NLGN1: variants seen among roughly 807,000 people sequenced by gnomAD.
NLGN1 encodes neuroligin-1.
NLGN1 carries 12 observed loss-of-function variants against 65.5 expected under a neutral mutation model. That is an observed-to-expected ratio of 0.18 (90% CI 0.12 to 0.30). The LOEUF (loss-of-function observed/expected upper bound fraction) is 0.30, where lower values mean the gene tolerates loss of function less well. Among genes scored for constraint, NLGN1 ranks in the 10% least tolerant of loss-of-function variants. The pLI, the probability that NLGN1 is intolerant of heterozygous loss-of-function variation, is 1.00. For missense variants in NLGN1, 750 were observed against 1,007.1 expected, an observed-to-expected ratio of 0.74 and a Z score of 3.46; for synonymous variants, 350 against 359.5, an observed-to-expected ratio of 0.97 and a Z score of 0.30.
intron 2 of NLGN1, among the ~76,000 whole-genome samples, chr3:173,601,694 TAATA>T (rs1433578362): frequency 2.0e-5 from 3 of 152,014 alleles, no homozygotes; most frequent in Admixed American, 1.3e-4. Flanking sequence ...TTTTGGTTAC[TAATA>T]AATAACCAAA....
the NLGN1 span, among the ~76,000 whole-genome samples, chr3:174,293,158 T>C: frequency 1.3e-5 from 2 of 151,428 alleles, no homozygotes; most frequent in Admixed American, 6.6e-5. Flanking sequence ...TGGGGTAACC[T>C]AAAATAGTGT....
chr3:173,742,115 C>A (rs1774742781), intron 3 of NLGN1, among the ~76,000 whole-genome samples: 1 of 152,076 alleles, frequency 6.6e-6, no homozygotes, highest in African/African-American at 2.4e-5. Flanking sequence ...TTCCAGGAAT[C>A]CATTCTTCTC....
intron 4 of NLGN1, among the ~76,000 whole-genome samples, chr3:173,971,107 G>A (rs1287781076): frequency 2.0e-5 from 3 of 152,012 alleles, no homozygotes; most frequent in Admixed American, 6.6e-5. Flanking sequence ...GAAAAACTGC[G>A]TGCATTCACT....
At chr3:174,115,014 T>C (rs1025454060) in intron 4 of NLGN1, among the ~76,000 whole-genome samples, 14 of 152,194 alleles carry the variant, frequency 9.2e-5, no homozygotes, top group Admixed American at 8.5e-4. Flanking sequence ...CAAACTTTGA[T>C]AGACATATCT....
In NLGN1 at chr3:173,494,613, A is replaced by G. The variant is rs551029001; in HGVS notation, c.-321+59535A>G. 3.8e-4 allele frequency among the ~76,000 whole-genome samples: 58 copies of G among 151,864 alleles called. 2 individuals carry two copies. The highest frequency in any genetic ancestry group is 1.4e-3 in the African/African-American group (56 of 41,258). ...GTGACATGCCTAAGAAACTTTGACT[A>G]ACATCAAGTTATGCATACATTTTAT... On this transcript the variant is annotated intron_variant, in intron 2 of 6. Transcript: ENST00000457714.
chr3:173,879,250 A>G (rs1214779873), intron 4 of NLGN1, among the ~76,000 whole-genome samples: 1 of 151,632 alleles, frequency 6.6e-6, no homozygotes, highest in Non-Finnish European at 1.5e-5. Flanking sequence ...AAAAAAAGAA[A>G]GAAAGAAAAA....
chr3:173,800,525 TA>T (rs1553853519), intron 3 of NLGN1, among the ~76,000 whole-genome samples: 1 of 151,746 alleles, frequency 6.6e-6, no homozygotes, highest in Non-Finnish European at 1.5e-5. Context: ...TTAATTTTTT[TA>T]AAAAATTAAT....
At chr3:173,976,749 T>C (rs1057081118) in intron 4 of NLGN1, among the ~76,000 whole-genome samples, 28 of 152,056 alleles carry the variant, frequency 1.8e-4, no homozygotes, top group African/African-American at 6.8e-4. Context: ...CTATGACCTT[T>C]CATGTTTCTT....
At chr3:173,747,059 T>TACACACACACACACACAC (rs3033827) in intron 3 of NLGN1, among the ~76,000 whole-genome samples, 1 of 130,332 alleles carries the variant, frequency 7.7e-6, no homozygotes, top group African/African-American at 2.8e-5. Flanking sequence ...AAATTATATA[T>TACACACACACACACACAC]ACACACACAC....
chr3:173,566,603 G>C (rs978886962), intron 2 of NLGN1, among the ~76,000 whole-genome samples: 11 of 151,966 alleles, frequency 7.2e-5, no homozygotes, highest in Non-Finnish European at 1.5e-4. Context: ...TCTTTCTCAA[G>C]TACTTTTCCA....
chr3:173,666,261 C>A (rs190108909), intron 3 of NLGN1, among the ~76,000 whole-genome samples: 96 of 152,104 alleles, frequency 6.3e-4, no homozygotes, highest in Non-Finnish European at 1.3e-3. Flanking sequence ...CCACCTCTGA[C>A]CATTGATGTA....
At chr3:173,485,560 TCCATTTATGAACA>T in intron 2 of NLGN1, among the ~76,000 whole-genome samples, 1 of 152,302 alleles carries the variant, frequency 6.6e-6, no homozygotes, top group Admixed American at 6.5e-5. Flanking sequence ...ATTGATTCTT[TCCATTTATGAACA>T]TGGTTTCTCT....
chr3:173,615,048 T>G (rs559878715), intron 3 of NLGN1, among the ~76,000 whole-genome samples: 2 of 152,258 alleles, frequency 1.3e-5, no homozygotes, highest in African/African-American at 4.8e-5. Context: ...TCTTCTGTAT[T>G]TATTTTATGA....
intron 2 of NLGN1, among the ~76,000 whole-genome samples, chr3:173,549,346 TA>T (rs1194467368): frequency 6.6e-6 from 1 of 152,076 alleles, no homozygotes; most frequent in African/African-American, 2.4e-5. Context: ...ATTTCTTTTT[TA>T]TTCTTTTGGT....
Position 173,874,468 on chromosome 3 carries a change from A to T in NLGN1, c.646+66636A>T, listed in dbSNP as rs561404182. Among the ~76,000 whole-genome samples the T allele has an allele frequency of 2.0e-5, 3 of 152,360 alleles. No individual in the cohort carries two copies. The South Asian group carries it at 6.2e-4, about 32-fold the overall frequency. The stretch of plus-strand genomic sequence containing the variant: ...ATATGGGCATCCTTATTAGCCAGTG[A>T]ATAATAACATCTAGCAAGGGAATAT... On this transcript the variant is annotated intron_variant, in intron 4 of 6. Coordinates refer to ENST00000457714, the Ensembl canonical transcript of NLGN1.
chr3:173,444,591 T>C (rs892093356), intron 2 of NLGN1, among the ~76,000 whole-genome samples: 2 of 152,194 alleles, frequency 1.3e-5, no homozygotes, highest in African/African-American at 4.8e-5. Context: ...CTTTATTTAA[T>C]TTGGTTCCTT....
At chr3:174,219,605 C>A (rs902284123) in intron 4 of NLGN1, among the ~76,000 whole-genome samples, 30 of 152,156 alleles carry the variant, frequency 2.0e-4, no homozygotes, top group African/African-American at 7.2e-4. Flanking sequence ...GTGTAAACTG[C>A]TTAGTACATC....
chr3:174,258,755 A>C (rs1746273060), intron 4 of NLGN1, among the ~76,000 whole-genome samples: 1 of 152,180 alleles, frequency 6.6e-6, no homozygotes, highest in South Asian at 2.1e-4. Context: ...AGTCAAGAAA[A>C]ATAAAGACCA....
At chr3:174,278,586 C>A (rs1028907389) in intron 5 of NLGN1, among the ~76,000 whole-genome samples, 1 of 151,894 alleles carries the variant, frequency 6.6e-6, no homozygotes, top group African/African-American at 2.4e-5. Flanking sequence ...CTTTTTACCA[C>A]TACATCGTCT....
Sources: allele counts gnomAD v4.1 joint callset (sites outside exome capture counted in the v4.1 genomes callset), GRCh38; gene constraint gnomAD v4.1.1; transcripts MANE v1.5; gene names NCBI Gene and HGNC (gene_info 2026-07-23, HGNC 2026-07-21).